The following PCDH15 variants were observed in gnomAD, a reference collection of about 807,000 sequenced individuals.
PCDH15 encodes the protein protocadherin related 15.
In PCDH15, 129 loss-of-function variants were observed where a neutral mutation model predicts 178.5. That is an observed-to-expected ratio of 0.72 (90% CI 0.63 to 0.84). The LOEUF (loss-of-function observed/expected upper bound fraction) is 0.84, where lower values mean the gene tolerates loss of function less well. PCDH15 is among the 40% of genes least tolerant of loss of function. The probability of loss-of-function intolerance (pLI) is 0.00; values close to 1 mark genes in which losing one functional copy is unlikely to be tolerated. For missense variants in PCDH15, 2,230 were observed against 2,099.9 expected (o/e 1.06, Z -1.21); for synonymous variants, 800 against 732.0 (o/e 1.09, Z -1.50).
chr10:53,970,753 C>T (rs1003593033), intron 21 of PCDH15, among the ~76,000 whole-genome samples: 2 of 151,942 alleles, frequency 1.3e-5, no homozygotes, highest in Non-Finnish European at 2.9e-5. Flanking sequence ...AAGTTGAATC[C>T]CTGAATAGAC....
chr10:55,245,306 G>A (rs916651498), intron 1 of PCDH15, among the ~76,000 whole-genome samples: 10 of 151,968 alleles, frequency 6.6e-5, no homozygotes, highest in Admixed American at 2.6e-4. Context: ...GAAAACAAAC[G>A]TTGTAAATGT....
rs558804750 is a variant in PCDH15, at chr10:53,822,520, G to A, written c.4368-2290C>T. ...GCAGAAGGAGAGATGTTTGGTGGAT[G>A]GGCAAAATTTTCAAAAATATTTCTT... is the stretch of plus-strand genomic sequence containing the variant. On this transcript the variant is annotated intron_variant, in intron 32 of 37. Coordinates refer to ENST00000644397, the MANE Select transcript of PCDH15 (RefSeq NM_001384140.1). The A allele has an allele frequency of 1.6e-5, 26 of 1,613,084 alleles. No individual in the cohort carries two copies. Among genetic ancestry groups the A allele is most frequent in the Non-Finnish European group, 2.1e-5 (25 of 1,179,764 alleles).
At chr10:55,395,192 TGTGTGAGAGA>T (rs1015102784) in intron 2 of PCDH15, among the ~76,000 whole-genome samples, 4 of 89,144 alleles carry the variant, frequency 4.5e-5, no homozygotes, top group African/African-American at 1.0e-4. Flanking sequence ...TGTGTGTGTG[TGTGTGAGAGA>T]GAGAGAGAGA....
chr10:55,291,772 G>C (rs1003080985), intron 1 of PCDH15, among the ~76,000 whole-genome samples: 1 of 152,124 alleles, frequency 6.6e-6, no homozygotes, highest in African/African-American at 2.4e-5. Context: ...GGAGTTTAAT[G>C]GACTTACAGT....
intron 1 of PCDH15, among the ~76,000 whole-genome samples, chr10:55,305,895 C>T (rs1314074737): frequency 1.3e-5 from 2 of 152,060 alleles, no homozygotes; most frequent in Non-Finnish European, 2.9e-5. Flanking sequence ...CATGAACATG[C>T]CCAATGACAA....
intron 23 of PCDH15, 47 bp downstream of exon 23, chr10:53,959,685 A>T: frequency 7.0e-7 from 1 of 1,430,074 alleles, no homozygotes; most frequent in Non-Finnish European, 9.8e-7. Flanking sequence ...CCTTTCAAAA[A>T]TGCCCTAAAC....
At chr10:54,841,006 C>T (rs1953408749) in intron 3 of PCDH15, among the ~76,000 whole-genome samples, 1 of 151,814 alleles carries the variant, frequency 6.6e-6, no homozygotes, top group African/African-American at 2.4e-5. Flanking sequence ...AATTTCCATA[C>T]TGGATAGATC....
intron 2 of PCDH15, among the ~76,000 whole-genome samples, chr10:55,071,877 C>G (rs1179552174): frequency 1.3e-5 from 2 of 152,060 alleles, no homozygotes; most frequent in Non-Finnish European, 2.9e-5. Flanking sequence ...TGTGAAAGAA[C>G]AGAAATTATA....
At chr10:54,561,547 A>G (rs1280052920) in intron 2 of PCDH15, among the ~76,000 whole-genome samples, 1 of 152,116 alleles carries the variant, frequency 6.6e-6, no homozygotes, top group South Asian at 2.1e-4. Flanking sequence ...TTTCCCAGAT[A>G]TATGTACCAA....
chr10:54,174,332 A>G (rs2047203445), intron 13 of PCDH15, among the ~76,000 whole-genome samples: 2 of 152,014 alleles, frequency 1.3e-5, no homozygotes, highest in Non-Finnish European at 2.9e-5. Context: ...GGAGAACCAG[A>G]CCATCCTGGC....
At chr10:55,332,369 T>G (rs1443836465) in intron 2 of PCDH15, among the ~76,000 whole-genome samples, 2 of 152,174 alleles carry the variant, frequency 1.3e-5, no homozygotes, top group Non-Finnish European at 2.9e-5. Context: ...TTGATTTGAT[T>G]GTGAACTGGA....
At chr10:55,519,300 A>C (rs933102213) in intron 2 of PCDH15, among the ~76,000 whole-genome samples, 11 of 149,032 alleles carry the variant, frequency 7.4e-5, no homozygotes, top group Admixed American at 1.3e-4. Flanking sequence ...AAAAAAAAAA[A>C]CCCAATAGAT....
chr10:55,110,709 A>G (rs1321781103), intron 2 of PCDH15, among the ~76,000 whole-genome samples: 1 of 152,004 alleles, frequency 6.6e-6, no homozygotes, highest in African/African-American at 2.4e-5. Context: ...ACTAAAATAT[A>G]ATTCTGACCT....
chr10:54,613,878 T>TA (rs1163005095), intron 2 of PCDH15, among the ~76,000 whole-genome samples: 1 of 150,370 alleles, frequency 6.7e-6, no homozygotes, highest in Non-Finnish European at 1.5e-5. Context: ...CTTGGATGAG[T>TA]TTTCATGAGT....
intron 3 of PCDH15, among the ~76,000 whole-genome samples, chr10:54,835,154 G>T (rs1481453831): frequency 6.6e-6 from 1 of 151,988 alleles, no homozygotes; most frequent in East Asian, 1.9e-4. Flanking sequence ...ATGTTGAAAA[G>T]AGACAATAGC....
chr10:55,234,591 G>A (rs1841321996), intron 1 of PCDH15, among the ~76,000 whole-genome samples: 1 of 151,800 alleles, frequency 6.6e-6, no homozygotes, highest in Non-Finnish European at 1.5e-5. Context: ...ATGTTGCCGA[G>A]GCCATCCTCA....
intron 1 of PCDH15, among the ~76,000 whole-genome samples, chr10:54,673,808 G>A (rs944642745): frequency 2.0e-5 from 3 of 151,908 alleles, no homozygotes; most frequent in Non-Finnish European, 4.4e-5. Flanking sequence ...ATACTGATTG[G>A]GAAATACAAA....
chr10:54,769,985 A>T (rs11004565), intron 1 of PCDH15, among the ~76,000 whole-genome samples: 2 of 152,184 alleles, frequency 1.3e-5, no homozygotes, highest in African/African-American at 4.8e-5. Context: ...TATTTACATT[A>T]AATTAGTTCA....
chr10:54,584,708 T>A, intron 2 of PCDH15, among the ~76,000 whole-genome samples: 1 of 152,174 alleles, frequency 6.6e-6, no homozygotes, highest in Non-Finnish European at 1.5e-5. Flanking sequence ...ATCCCTCTAA[T>A]CTTCCATTCA....
Sources: allele counts gnomAD v4.1 joint callset (sites outside exome capture counted in the v4.1 genomes callset), GRCh38; gene constraint gnomAD v4.1.1; transcripts MANE v1.5; gene names NCBI Gene and HGNC (gene_info 2026-07-23, HGNC 2026-07-21).